PTPRD: variants seen among roughly 807,000 people sequenced by gnomAD.
PTPRD encodes the protein receptor-type tyrosine-protein phosphatase delta.
PTPRD carries 34 observed loss-of-function variants against 214.5 expected under a neutral mutation model. The ratio of observed to expected loss-of-function variants is 0.16; its 90% CI spans 0.12 to 0.21. PTPRD has a LOEUF of 0.21. PTPRD is among the 10% of genes least tolerant of loss of function. The pLI is 1.00. For synonymous variants in PTPRD, 1,128 were observed against 845.7 expected (o/e 1.33, Z -5.79); for missense variants, 2,545 against 2,398.7 (o/e 1.06, Z -1.27).
intron 17 of PTPRD, 24 bp from the exon 18 acceptor site, chr9:8,525,059 C>T (rs949207434): frequency 2.5e-6 from 4 of 1,577,078 alleles, no homozygotes; most frequent in Admixed American, 1.7e-5. Context: ...AAATATATTG[C>T]CAAAGAGATG....
chr9:9,264,949 G>A (rs144973170), intron 9 of PTPRD, among the ~76,000 whole-genome samples: 132 of 150,386 alleles, frequency 8.8e-4, no homozygotes, highest in East Asian at 2.2e-3. Flanking sequence ...CTGTCTGTCC[G>A]TCAGAAATAA....
chr9:8,612,027 A>G (rs2095471314), intron 14 of PTPRD, among the ~76,000 whole-genome samples: 2 of 152,016 alleles, frequency 1.3e-5, no homozygotes, highest in African/African-American at 4.8e-5. Context: ...CAGGAATAGC[A>G]TTCATTATAA....
In PTPRD at chr9:10,491,030, G is replaced by C. The variant is rs1380747923; in HGVS notation, c.-600+121368C>G. Among the ~76,000 whole-genome samples, 3 of 152,032 alleles carry C rather than the reference G, an allele frequency of 2.0e-5. No individual in the cohort carries two copies. The East Asian group carries it at 5.8e-4, about 29-fold the overall frequency. ...TAATTTATTTGCTTTGCAAAAATTT[G>C]GTCTTTACATTCCCACCAGATTGCA... On this transcript the variant is annotated intron_variant, in intron 2 of 45. Coordinates refer to ENST00000381196, the MANE Select transcript of PTPRD (RefSeq NM_002839.4).
intron 44 of PTPRD, among the ~76,000 whole-genome samples, chr9:8,320,438 C>G (rs1045968384): frequency 2.6e-5 from 4 of 152,022 alleles, no homozygotes; most frequent in Non-Finnish European, 5.9e-5. Flanking sequence ...TGCCCATAAC[C>G]TAAATGTATT....
intron 11 of PTPRD, among the ~76,000 whole-genome samples, chr9:8,926,800 C>G (rs913086814): frequency 1.3e-5 from 2 of 152,228 alleles, no homozygotes; most frequent in African/African-American, 4.8e-5. Context: ...CTGAAAACAT[C>G]TCTAAGCATC....
rs558919529 is a variant in PTPRD at position 9,960,763 on chromosome 9, G to T, written c.-471-22153C>A. 1.6e-4 allele frequency among the ~76,000 whole-genome samples: 24 copies of T among 152,134 alleles called. No homozygotes were observed. The South Asian group carries it at 2.9e-3, about 18-fold the overall frequency. Reference sequence around the variant, plus strand: ...AACCAAGAGGACCCTAAAGACACATGATAACTAAATATAATGTAATATCCA... The same window carrying T: ...AACCAAGAGGACCCTAAAGACACATTATAACTAAATATAATGTAATATCCA... On this transcript the variant is annotated intron_variant, in intron 4 of 45. Transcript: ENST00000381196.
chr9:8,609,320 C>A (rs929115374), intron 14 of PTPRD, among the ~76,000 whole-genome samples: 1 of 152,178 alleles, frequency 6.6e-6, no homozygotes, highest in Admixed American at 6.5e-5. Flanking sequence ...GGCAGCAGCA[C>A]AGAGCATAGG....
intron 14 of PTPRD, among the ~76,000 whole-genome samples, chr9:8,535,086 A>G (rs1231319556): frequency 6.6e-6 from 1 of 151,822 alleles, no homozygotes; most frequent in Admixed American, 6.6e-5. Flanking sequence ...TAATAATAGT[A>G]CCAAGCACAT....
chr9:9,591,483 C>T (rs1592387113), intron 7 of PTPRD, among the ~76,000 whole-genome samples: 1 of 151,964 alleles, frequency 6.6e-6, no homozygotes, highest in African/African-American at 2.4e-5. Context: ...AAGCAGAGGA[C>T]CCAGTTGAGC....
In PTPRD at chr9:8,316,824, T is replaced by C; in HGVS notation, c.*1050A>G. ...AAAGAAATACCAATATGTCAAAAAA[T>C]TAAGAATAAATGGAAAGAGATGTTT... is the stretch of plus-strand genomic sequence containing the variant. On this transcript the variant is annotated 3_prime_UTR_variant, in exon 46 of 46. Transcript: ENST00000381196. The C allele has an allele frequency of 4.3e-6, 1 of 231,006 alleles. No homozygotes were observed. The highest frequency in any genetic ancestry group is 6.1e-5 in the East Asian group (1 of 16,312). 14.3% of individuals were successfully genotyped at this position (231,006 alleles called of 1,614,324 possible).
chr9:9,586,719 A>T (rs1283471125), intron 7 of PTPRD, among the ~76,000 whole-genome samples: 1 of 151,996 alleles, frequency 6.6e-6, no homozygotes, highest in Admixed American at 6.6e-5. Flanking sequence ...GTCAGAGAAC[A>T]TCTAAATTTT....
intron 10 of PTPRD, among the ~76,000 whole-genome samples, chr9:9,059,302 C>T (rs527897888): frequency 1.1e-4 from 16 of 152,202 alleles, no homozygotes; most frequent in African/African-American, 3.6e-4. Flanking sequence ...TGAAATGGCC[C>T]ATAATATGGC....
chr9:8,809,841 T>C (rs10739170), intron 11 of PTPRD, among the ~76,000 whole-genome samples: 81,216 of 152,032 alleles, frequency 0.53, 22,102 homozygotes, highest in Middle Eastern at 0.62. Context: ...ACAATAATTG[T>C]AAGCCTTTAT....
At chr9:10,174,770 G>C (rs2099236481) in intron 3 of PTPRD, among the ~76,000 whole-genome samples, 1 of 151,672 alleles carries the variant, frequency 6.6e-6, no homozygotes, top group South Asian at 2.1e-4. Flanking sequence ...CCATAAAAGA[G>C]GCATAATTTA....
intron 9 of PTPRD, among the ~76,000 whole-genome samples, chr9:9,250,863 T>A (rs2131565133): frequency 6.6e-6 from 1 of 152,094 alleles, no homozygotes; most frequent in East Asian, 1.9e-4. Flanking sequence ...TTGTGAAAAG[T>A]CTTTTTATTT....
At chr9:8,975,978 A>G (rs566884876) in intron 11 of PTPRD, among the ~76,000 whole-genome samples, 8 of 152,178 alleles carry the variant, frequency 5.3e-5, no homozygotes, top group African/African-American at 1.9e-4. Context: ...TCATAGTTGT[A>G]CATTTAATTT....
chr9:9,858,331 T>G (rs186185387), intron 5 of PTPRD, among the ~76,000 whole-genome samples: 2 of 152,314 alleles, frequency 1.3e-5, no homozygotes, highest in East Asian at 3.9e-4. Context: ...ATATCTGATT[T>G]TAGAGACACA....
At chr9:10,339,337 G>A (rs928489149) in intron 3 of PTPRD, among the ~76,000 whole-genome samples, 4 of 151,676 alleles carry the variant, frequency 2.6e-5, no homozygotes, top group Admixed American at 2.6e-4. Flanking sequence ...AAATGCTTTA[G>A]CATAACACAC....
rs374404074 is a variant in PTPRD at position 10,109,515 on chromosome 9, A to G, written c.-544-75725T>C. Among the ~76,000 whole-genome samples, 85 of 152,296 alleles carry G rather than the reference A, an allele frequency of 5.6e-4. 2 individuals carry two copies. The East Asian group carries it at 8.1e-3, about 15-fold the overall frequency. The stretch of plus-strand genomic sequence containing the variant: ...TAAATGCCTTCTGAACTAATTCTTT[A>G]CCAAGTTTGGGAACCATAAACCAGG... On this transcript the variant is annotated intron_variant, in intron 3 of 45. Coordinates refer to ENST00000381196, the MANE Select transcript of PTPRD (RefSeq NM_002839.4).
Sources: gnomAD v4.1 joint callset for allele counts (sites outside exome capture counted in the v4.1 genomes callset) on GRCh38, gnomAD v4.1.1 for gene constraint, MANE v1.5 for transcripts, NCBI Gene and HGNC (gene_info 2026-07-23, HGNC 2026-07-21) for gene names.